EPHA6: variants seen among roughly 807,000 people sequenced by gnomAD.
The protein encoded by EPHA6 is EPH receptor A6, also known as ephrin type-A receptor 6.
In EPHA6, 50 loss-of-function variants were observed where a neutral mutation model predicts 112.0. The ratio of observed to expected loss-of-function variants is 0.45; its 90% CI spans 0.36 to 0.56. The LOEUF (loss-of-function observed/expected upper bound fraction) is 0.56. Ranked by LOEUF, EPHA6 falls within the 20% of genes least tolerant of loss-of-function variation. The pLI is 0.00. For missense variants in EPHA6, 1,280 were observed against 1,417.4 expected, an observed-to-expected ratio of 0.90 and a Z score of 1.56; for synonymous variants, 529 against 490.7, an observed-to-expected ratio of 1.08 and a Z score of -1.03.
rs187780896 is a variant in EPHA6 at position 97,367,921 on chromosome 3, A to G, written c.1607-37229A>G. 9.7e-4 allele frequency among the ~76,000 whole-genome samples: 148 copies of G among 152,330 alleles called. 1 individual carries two copies. Among genetic ancestry groups the G allele is most frequent in the Admixed American group, 9.5e-3 (145 of 15,286 alleles). ...TAGAAGGCCAAAAATTAAAAGTAAT[A>G]TAGTCTGTATAACCACAAGCTGACT... On this transcript the variant is annotated intron_variant, in intron 5 of 17. Coordinates refer to ENST00000389672, the MANE Select transcript of EPHA6 (RefSeq NM_001080448.3).
intron 5 of EPHA6, among the ~76,000 whole-genome samples, chr3:97,330,277 C>CTTAG (rs2082717732): frequency 6.6e-6 from 1 of 152,064 alleles, no homozygotes; most frequent in Non-Finnish European, 1.5e-5. Flanking sequence ...GTTCTTTAGG[C>CTTAG]TTAGGATTGA....
At chr3:97,515,238 T>A (rs2092429622) in intron 10 of EPHA6, among the ~76,000 whole-genome samples, 1 of 152,186 alleles carries the variant, frequency 6.6e-6, no homozygotes, top group African/African-American at 2.4e-5. Context: ...AGCAGATGGT[T>A]GAATTTGTTT....
At chr3:97,302,076 T>C (rs1369565364) in intron 5 of EPHA6, among the ~76,000 whole-genome samples, 1 of 152,052 alleles carries the variant, frequency 6.6e-6, no homozygotes, top group Non-Finnish European at 1.5e-5. Flanking sequence ...ACTACATTTC[T>C]TGCTTTCATG....
chr3:97,100,193 G>T (rs9827200), intron 3 of EPHA6, among the ~76,000 whole-genome samples: 31,644 of 150,538 alleles, frequency 0.21, 4,712 homozygotes, highest in African/African-American at 0.4. Context: ...AATAGAATAA[G>T]AAATGCAGTC....
At chr3:96,992,768 A>G (rs1287942437) in intron 3 of EPHA6, among the ~76,000 whole-genome samples, 1 of 152,112 alleles carries the variant, frequency 6.6e-6, no homozygotes, top group East Asian at 1.9e-4. Flanking sequence ...GCGTTTTTGT[A>G]TCTCTTACCT....
intron 3 of EPHA6, among the ~76,000 whole-genome samples, chr3:97,122,021 T>C (rs928175823): frequency 1.3e-5 from 2 of 152,106 alleles, no homozygotes; most frequent in African/African-American, 4.8e-5. Flanking sequence ...TATGTCTTCA[T>C]TAATTATTCA....
intron 4 of EPHA6, among the ~76,000 whole-genome samples, chr3:97,242,493 G>C (rs1365075125): frequency 6.6e-6 from 1 of 151,564 alleles, no homozygotes; most frequent in African/African-American, 2.4e-5. Context: ...TCTAATTTTT[G>C]TAATTGCAAA....
At position 96,892,020 on chromosome 3, in the gene EPHA6, A is replaced by G. The variant is rs572585341; in HGVS notation, c.450+25131A>G. Among the ~76,000 whole-genome samples, 9 of 152,338 alleles carry G rather than the reference A, an allele frequency of 5.9e-5. No homozygotes were observed. In the East Asian group the frequency reaches 1.7e-3, roughly 29 times the overall value. ...CCCACAGACAGCTTTAGAGTTGGAA[A>G]GACTTACTCATTGCAGATATATGAT... On this transcript the variant is annotated intron_variant, in intron 2 of 17. Coordinates refer to ENST00000389672, the MANE Select transcript of EPHA6 (RefSeq NM_001080448.3).
intron 10 of EPHA6, among the ~76,000 whole-genome samples, chr3:97,530,327 T>C: frequency 6.6e-6 from 1 of 151,978 alleles, no homozygotes; most frequent in East Asian, 1.9e-4. Context: ...AAACCTACTT[T>C]AGTTGTTTAA....
At chr3:97,360,222 T>C (rs768625797) in intron 5 of EPHA6, among the ~76,000 whole-genome samples, 13 of 152,252 alleles carry the variant, frequency 8.5e-5, no homozygotes, top group Non-Finnish European at 1.8e-4. Context: ...GCTGCTACCG[T>C]GCTAAGATCT....
chr3:97,450,782 G>A (rs552180983), intron 7 of EPHA6, among the ~76,000 whole-genome samples: 1 of 152,086 alleles, frequency 6.6e-6, no homozygotes, highest in African/African-American at 2.4e-5. Context: ...AATAATAAGA[G>A]CTAATAGCCT....
intron 3 of EPHA6, among the ~76,000 whole-genome samples, chr3:97,096,297 A>G (rs907173040): frequency 2.0e-5 from 3 of 151,774 alleles, no homozygotes; most frequent in Non-Finnish European, 4.4e-5. Flanking sequence ...ACACACATAT[A>G]TATACATGTC....
At chr3:96,879,016 A>G (rs1403779420) in intron 2 of EPHA6, among the ~76,000 whole-genome samples, 4 of 152,084 alleles carry the variant, frequency 2.6e-5, no homozygotes, top group African/African-American at 9.6e-5. Flanking sequence ...ATTTCACGCA[A>G]TATACAGAAC....
rs114496054 is a variant in EPHA6, at chr3:97,678,444, G to A, written c.2784+40362G>A. Among the ~76,000 whole-genome samples the A allele has an allele frequency of 7.2e-3, 1,097 of 152,170 alleles. 16 individuals are homozygous for A. Among genetic ancestry groups the A allele is most frequent in the African/African-American group, 0.025 (1,024 of 41,506 alleles). On this transcript the variant is annotated intron_variant, in intron 14 of 17. Transcript: ENST00000389672. ...TTGAGGATGGACCCAGAAGACGAGC[G>A]CTTCCTGTGGTGAATGACAGAGCAG...
At chr3:97,017,941 C>T (rs542390001) in intron 3 of EPHA6, among the ~76,000 whole-genome samples, 128 of 150,344 alleles carry the variant, frequency 8.5e-4, no homozygotes, top group African/African-American at 3.1e-3. Flanking sequence ...TCTTCTGAGG[C>T]TATTTTCTAG....
chr3:97,743,024 T>C (rs1212010976), intron 16 of EPHA6, among the ~76,000 whole-genome samples: 1 of 152,116 alleles, frequency 6.6e-6, no homozygotes, highest in East Asian at 1.9e-4. Flanking sequence ...AGGTGAACCC[T>C]TAACCCTAAG....
chr3:97,064,299 G>A (rs2046113460), intron 3 of EPHA6, among the ~76,000 whole-genome samples: 1 of 152,084 alleles, frequency 6.6e-6, no homozygotes, highest in Admixed American at 6.6e-5. Context: ...ATAATATAAA[G>A]TGATCAATGA....
chr3:96,933,338 TA>T (rs2040428456), intron 2 of EPHA6, among the ~76,000 whole-genome samples: 1 of 152,210 alleles, frequency 6.6e-6, no homozygotes, highest in Non-Finnish European at 1.5e-5. Flanking sequence ...TGACTAACAA[TA>T]TATTTAATTA....
intron 8 of EPHA6, among the ~76,000 whole-genome samples, chr3:97,477,652 C>T (rs1056527821): frequency 6.6e-6 from 1 of 152,136 alleles, no homozygotes. Flanking sequence ...AGCATTGCTA[C>T]GTGTTTAGTA....
Sources: gnomAD v4.1 joint callset for allele counts (sites outside exome capture counted in the v4.1 genomes callset) on GRCh38, gnomAD v4.1.1 for gene constraint, MANE v1.5 for transcripts, NCBI Gene and HGNC (gene_info 2026-07-23, HGNC 2026-07-21) for gene names.